SASH1: variants seen among roughly 807,000 people sequenced by gnomAD.
SASH1 encodes SAM and SH3 domain containing 1, also known as SAM and SH3 domain-containing protein 1.
In SASH1, 44 loss-of-function variants were observed where a neutral mutation model predicts 125.2. The ratio of observed to expected loss-of-function variants is 0.35; its 90% CI spans 0.28 to 0.45. The LOEUF is 0.45. Ranked by LOEUF, SASH1 falls within the 20% of genes least tolerant of loss-of-function variation. The pLI is 1.00. For missense variants in SASH1, 1,426 were observed against 1,614.5 expected (o/e 0.88, Z 2.00); for synonymous variants, 639 against 649.1 (o/e 0.98, Z 0.24).
intron 2 of SASH1, among the ~76,000 whole-genome samples, chr6:148,415,958 T>C (rs969621240): frequency 2.6e-5 from 4 of 152,230 alleles, no homozygotes; most frequent in African/African-American, 9.7e-5. Flanking sequence ...CCAGAAAAGC[T>C]TTGTGTAATT....
chr6:148,349,325 C>T (rs1472602230), intron 1 of SASH1, among the ~76,000 whole-genome samples: 2 of 128,678 alleles, frequency 1.6e-5, no homozygotes, highest in African/African-American at 3.0e-5. Flanking sequence ...TACAGTGGCG[C>T]GATCTCGGCT....
intron 15 of SASH1, among the ~76,000 whole-genome samples, chr6:148,534,191 G>GTGAT (rs993852674): frequency 2.0e-5 from 3 of 152,178 alleles, no homozygotes; most frequent in Non-Finnish European, 4.4e-5. Flanking sequence ...TCAGCTGTGG[G>GTGAT]TGATAGCGTA....
At chr6:148,511,654 T>C (rs1429437172) in intron 8 of SASH1, among the ~76,000 whole-genome samples, 1 of 152,200 alleles carries the variant, frequency 6.6e-6, no homozygotes, top group African/African-American at 2.4e-5. Flanking sequence ...ACCTGGAATA[T>C]GTTACTTTTT....
chr6:148,468,955 C>G, intron 5 of SASH1: 1 of 164,048 alleles, frequency 6.1e-6, no homozygotes, highest in Non-Finnish European at 1.3e-5. Context: ...AAATTTACTG[C>G]TGCTATAAAA....
chr6:148,419,357 G>A (rs1238184943), intron 2 of SASH1, among the ~76,000 whole-genome samples: 2 of 152,188 alleles, frequency 1.3e-5, no homozygotes, highest in African/African-American at 4.8e-5. Flanking sequence ...TCAAGTGTTA[G>A]TGCTTTGAAT....
At chr6:148,282,012 A>G (rs1779354721) in intron 1 of SASH1, among the ~76,000 whole-genome samples, 1 of 152,252 alleles carries the variant, frequency 6.6e-6, no homozygotes, top group Admixed American at 6.5e-5. Flanking sequence ...CAATCATGTC[A>G]GCACTGGTAT....
chr6:148,239,348 G>A, the SASH1 span, among the ~76,000 whole-genome samples: 1 of 152,162 alleles, frequency 6.6e-6, no homozygotes, highest in African/African-American at 2.4e-5. Flanking sequence ...GCCTTAGGAT[G>A]TTTTTCTAGA....
chr6:148,279,043 G>A (rs1734003814), intron 1 of SASH1, among the ~76,000 whole-genome samples: 1 of 151,108 alleles, frequency 6.6e-6, no homozygotes, highest in Non-Finnish European at 1.5e-5. Context: ...CCCAGGCTGA[G>A]TGCAGTGGTG....
intron 9 of SASH1, among the ~76,000 whole-genome samples, chr6:148,518,641 CAA>C (rs1221080028): frequency 6.6e-6 from 1 of 152,150 alleles, no homozygotes; most frequent in Non-Finnish European, 1.5e-5. Context: ...CTGCAGAGCT[CAA>C]AGTTTCCCTA....
chr6:148,362,647 G>A (rs1035842445), intron 1 of SASH1, among the ~76,000 whole-genome samples: 1 of 151,780 alleles, frequency 6.6e-6, no homozygotes, highest in African/African-American at 2.4e-5. Context: ...TAAAATAGTG[G>A]AATTGAGCCT....
chr6:148,307,084 C>CTT (rs1373045977), intron 1 of SASH1, among the ~76,000 whole-genome samples: 65 of 142,750 alleles, frequency 4.6e-4, no homozygotes, highest in African/African-American at 1.6e-3. Flanking sequence ...TTCTTTCTTT[C>CTT]TTTCTTTCTT....
chr6:148,272,536 G>A (rs146467567), intron 1 of SASH1, among the ~76,000 whole-genome samples: 56 of 152,214 alleles, frequency 3.7e-4, no homozygotes, highest in African/African-American at 9.6e-4. Context: ...TCAAAATTCC[G>A]AGGGCGCTAG....
At chr6:148,456,677 A>G (rs1017387359) in intron 4 of SASH1, among the ~76,000 whole-genome samples, 3 of 152,058 alleles carry the variant, frequency 2.0e-5, no homozygotes, top group African/African-American at 7.2e-5. Flanking sequence ...CCTGGGCAAC[A>G]TGGCGAAATC....
intron 1 of SASH1, among the ~76,000 whole-genome samples, chr6:148,303,653 TGG>T (rs1452038455): frequency 6.6e-6 from 1 of 151,284 alleles, no homozygotes; most frequent in Non-Finnish European, 1.5e-5. Context: ...AGAACTTAGC[TGG>T]GTGGTGGCGG....
At chr6:148,344,506 G>A (rs1781455967) in intron 1 of SASH1, among the ~76,000 whole-genome samples, 1 of 152,118 alleles carries the variant, frequency 6.6e-6, no homozygotes, top group Non-Finnish European at 1.5e-5. Flanking sequence ...GAACCAGCGA[G>A]CGTTGGTTAA....
intron 2 of SASH1, among the ~76,000 whole-genome samples, chr6:148,436,580 C>A (rs1290567584): frequency 1.3e-5 from 2 of 152,166 alleles, no homozygotes; most frequent in African/African-American, 4.8e-5. Flanking sequence ...TGCCTTTCTC[C>A]ATATGCTTAC....
intron 1 of SASH1, among the ~76,000 whole-genome samples, chr6:148,281,071 T>C (rs1779328104): frequency 1.3e-5 from 2 of 150,070 alleles, no homozygotes; most frequent in South Asian, 4.2e-4. Context: ...GCCTCCCAAG[T>C]AGCTGGAATC....
chr6:148,289,173 C>T (rs1013511987), intron 1 of SASH1, among the ~76,000 whole-genome samples: 1 of 152,124 alleles, frequency 6.6e-6, no homozygotes, highest in Non-Finnish European at 1.5e-5. Flanking sequence ...TAAAACACAA[C>T]ATCAGTTTCA....
the SASH1 span, among the ~76,000 whole-genome samples, chr6:148,210,390 G>A: frequency 8.3e-4 from 127 of 152,242 alleles, no homozygotes; most frequent in Admixed American, 1.0e-3. Flanking sequence ...AAAACTAGCC[G>A]GACATGGTGG....
Sources: gnomAD v4.1 joint callset for allele counts (sites outside exome capture counted in the v4.1 genomes callset) on GRCh38, gnomAD v4.1.1 for gene constraint, MANE v1.5 for transcripts, NCBI Gene and HGNC (gene_info 2026-07-23, HGNC 2026-07-21) for gene names.